The following RRM1 variants were observed in gnomAD, a reference collection of about 807,000 sequenced individuals.
RRM1 encodes ribonucleoside-diphosphate reductase large subunit.
RRM1 carries 19 observed loss-of-function variants against 101.5 expected under a neutral mutation model. The ratio of observed to expected loss-of-function variants is 0.19; its 90% CI spans 0.13 to 0.27. The LOEUF is 0.27. RRM1 is among the 10% of genes least tolerant of loss of function. The pLI, the probability that RRM1 is intolerant of heterozygous loss-of-function variation, is 1.00. For missense variants in RRM1, 500 were observed against 962.9 expected (o/e 0.52, Z 6.36); for synonymous variants, 298 against 323.4 (o/e 0.92, Z 0.84).
intron 4 of RRM1, among the ~76,000 whole-genome samples, chr11:4,109,073 C>T (rs2094562045): frequency 6.6e-6 from 1 of 152,090 alleles, no homozygotes; most frequent in Admixed American, 6.6e-5. Context: ...TAAAATCTTA[C>T]TGTTACAATA....
chr11:4,124,851 C>CT (rs1554975502), intron 12 of RRM1, among the ~76,000 whole-genome samples: 11 of 119,424 alleles, frequency 9.2e-5, no homozygotes, highest in African/African-American at 1.7e-4. Context: ...CTTTTCTTTT[C>CT]TTTTTTTTAG....
In RRM1 at chr11:4,121,611, G is replaced by C. The variant is rs1328579815; in HGVS notation, c.884G>C (p.Gly295Ala). ...YVDQGGNKRP[G>A]AFAIYLEPWH... ...TGATTTATTTACCACTAGCGTCCTG[G>C]GGCATTTGCTATTTACCTGGAGCCT... Residue 295 changes from glycine to alanine, a missense_variant, in exon 10 of 19, where the codon GGG becomes GCG. Gly to Ala is a moderately conservative substitution (Grantham distance 60). Around this residue, in one of 9 missense-constraint regions of RRM1, gnomAD observed 111 missense variants for 219.8 expected, o/e 0.51. Coordinates refer to ENST00000300738, the MANE Select transcript of RRM1 (RefSeq NM_001033.5). 2 of 1,611,112 alleles carry C rather than the reference G, an allele frequency of 1.2e-6. No homozygotes were observed. The highest frequency in any genetic ancestry group is 1.7e-6 in the Non-Finnish European group (2 of 1,178,674).
intron 7 of RRM1, among the ~76,000 whole-genome samples, chr11:4,117,393 G>C (rs997927132): frequency 6.6e-6 from 1 of 152,176 alleles, no homozygotes; most frequent in African/African-American, 2.4e-5. Context: ...TAATCCAGAT[G>C]TTCATCAACA....
At chr11:4,121,040 AC>A (rs1039225407) in intron 9 of RRM1, among the ~76,000 whole-genome samples, 4 of 152,160 alleles carry the variant, frequency 2.6e-5, no homozygotes, top group African/African-American at 9.7e-5. Context: ...GAACAAACAA[AC>A]AAAAACTCTC....
intron 2 of RRM1, among the ~76,000 whole-genome samples, chr11:4,105,226 G>T (rs192463903): frequency 2.6e-5 from 4 of 152,198 alleles, no homozygotes; most frequent in African/African-American, 9.6e-5. Flanking sequence ...AGAGAAGTAA[G>T]TTGTCTTGTT....
chr11:4,122,084 G>C, intron 10 of RRM1, 57 bp from the exon 11 acceptor site: 2 of 1,306,162 alleles, frequency 1.5e-6, no homozygotes, highest in East Asian at 2.3e-5. Flanking sequence ...TGTTTCTAAT[G>C]GATTATGGTT....
rs778242787 is a variant in RRM1, at chr11:4,138,377, A to T, written c.2373A>T (p.Gly791=). 99 of 1,601,262 alleles carry T rather than the reference A, an allele frequency of 6.2e-5. No individual in the cohort carries two copies. The highest frequency in any genetic ancestry group is 8.3e-5 in the Non-Finnish European group (98 of 1,174,730). The change falls in exon 19 of 19, where the codon GGA becomes GGT. Residue 791 remains glycine, a synonymous_variant. Transcript: ENST00000300738. The stretch of plus-strand genomic sequence containing the variant: ...ATAGAGATGAATGTCTGATGTGTGG[A>T]TCCTGAGGAAAGACTTGGAAGAGAC... The part of the protein sequence containing the change: ...LENRDECLMC[G]S
intron 2 of RRM1, chr11:4,105,779 G>A (rs2094557515): frequency 7.3e-6 from 3 of 412,674 alleles, no homozygotes; most frequent in Non-Finnish European, 1.3e-5. Flanking sequence ...TGCCCAGGCT[G>A]GTCTCGAACT....
At chr11:4,111,284 G>A (rs2094565138) in intron 5 of RRM1, among the ~76,000 whole-genome samples, 2 of 151,894 alleles carry the variant, frequency 1.3e-5, no homozygotes, top group African/African-American at 4.8e-5. Context: ...GGTGGTGGGC[G>A]CCTGTAGTCC....
chr11:4,107,127 C>T (rs2094559387), intron 3 of RRM1, among the ~76,000 whole-genome samples: 1 of 152,080 alleles, frequency 6.6e-6, no homozygotes, highest in Admixed American at 6.6e-5. Context: ...CTCCTGACCT[C>T]GTGATCCACC....
At chr11:4,106,675 G>A (rs1565180495) in intron 3 of RRM1, among the ~76,000 whole-genome samples, 1 of 152,100 alleles carries the variant, frequency 6.6e-6, no homozygotes, top group Non-Finnish European at 1.5e-5. Flanking sequence ...TTGAACCCGG[G>A]AGGCGGAGGT....
intron 1 of RRM1, 135 bp downstream of exon 1, chr11:4,095,166 C>T: frequency 3.7e-6 from 4 of 1,087,624 alleles, no homozygotes; most frequent in Non-Finnish European, 4.1e-6. Context: ...GCCTTCCGCC[C>T]TGTCAGCCCG....
Position 4,132,078 on chromosome 11 carries a change from A to T in RRM1, c.1770-208A>T, listed in dbSNP as rs1453802388. ...TCAGTTTAGGAGTCAGGCATTTAAG[A>T]GGAGAGTGGGCTATAATAGCACCCA... On this transcript the variant is annotated intron_variant, in intron 15 of 18. Transcript: ENST00000300738. This position sits in a 1 kb window ranked among gnomAD's most constrained non-coding sequence, Gnocchi z 4.1. 6.6e-6 allele frequency among the ~76,000 whole-genome samples: 1 copy of T among 152,236 alleles called. No homozygotes were observed. Among genetic ancestry groups the T allele is most frequent in the Admixed American group, 6.5e-5 (1 of 15,282 alleles).
Position 4,106,110 on chromosome 11 carries a change from C to T in RRM1, c.173C>T (p.Thr58Ile). The change falls in exon 3 of 19, where the codon ACT becomes ATT. Residue 58 changes from threonine to isoleucine, a missense_variant. Transcript: ENST00000300738. ...YSGVTTVELD[T>I]LAAETAATLT... ...GGGGTCACCACAGTGGAACTAGATACTTTGGCTGCTGAAACAGCTGCAACC... is the reference window on the plus strand; with the variant it reads ...GGGGTCACCACAGTGGAACTAGATATTTTGGCTGCTGAAACAGCTGCAACC... 6.2e-7 allele frequency: 1 copy of T among 1,613,910 alleles called. No individual in the cohort carries two copies. The highest frequency in any genetic ancestry group is 8.5e-7 in the Non-Finnish European group (1 of 1,179,830).
chr11:4,115,753 G>C (rs553284712), intron 7 of RRM1, among the ~76,000 whole-genome samples: 9 of 152,054 alleles, frequency 5.9e-5, no homozygotes, highest in African/African-American at 2.2e-4. Flanking sequence ...GATGGGGTTT[G>C]TCCATGTTGG....
intron 11 of RRM1, 75 bp from the exon 12 acceptor site, chr11:4,123,108 T>A: frequency 9.1e-7 from 1 of 1,097,894 alleles, no homozygotes; most frequent in Non-Finnish European, 1.3e-6. Context: ...ACTTTATATT[T>A]TAATGTCTTC....
rs948807445 is a variant in RRM1 at position 4,099,949 on chromosome 11, C to CT, written c.20-2044_20-2043insT. On this transcript the variant is annotated intron_variant, in intron 1 of 18. Transcript: ENST00000300738. Reference sequence around the variant, plus strand: ...TCTTTTTGCTAAGTTGCTTTCCCCCCCCACTGCATGTATAATTGCAGAACG... The same window carrying CT: ...TCTTTTTGCTAAGTTGCTTTCCCCCCTCCACTGCATGTATAATTGCAGAACG... 4.6e-5 allele frequency among the ~76,000 whole-genome samples: 7 copies of CT among 152,052 alleles called. No homozygotes were observed. In the South Asian group the frequency reaches 8.3e-4, roughly 18 times the overall value.
intron 2 of RRM1, chr11:4,105,578 CTTTTTTTTTTT>C (rs55705631): frequency 1.4e-5 from 4 of 281,732 alleles, no homozygotes; most frequent in South Asian, 4.9e-5. Context: ...TTTTTCTTTC[CTTTTTTTTTTT>C]TTTTTTTTTG....
At chr11:4,121,395 T>C (rs1373404991) in intron 9 of RRM1, among the ~76,000 whole-genome samples, 1 of 152,246 alleles carries the variant, frequency 6.6e-6, no homozygotes, top group Non-Finnish European at 1.5e-5. Context: ...ATTTTGTTTA[T>C]ATCATTCGTT....
Sources: allele counts gnomAD v4.1 joint callset (sites outside exome capture counted in the v4.1 genomes callset), GRCh38; gene constraint gnomAD v4.1.1; regional missense constraint gnomAD v4.1.1; non-coding constraint Gnocchi (gnomAD v3.1); transcripts MANE v1.5; gene names NCBI Gene and HGNC (gene_info 2026-07-23, HGNC 2026-07-21).